Variants in FAM171A1 observed in about 807,000 individuals in gnomAD.
FAM171A1 encodes the protein family with sequence similarity 171 member A1.
Under a neutral mutation model 74.9 loss-of-function variants are expected in FAM171A1, and 23 were observed. The ratio of observed to expected loss-of-function variants is 0.31; its 90% CI spans 0.22 to 0.44. The LOEUF (loss-of-function observed/expected upper bound fraction) is 0.44, where lower values mean the gene tolerates loss of function less well. FAM171A1 is among the 20% of genes least tolerant of loss of function. The probability of loss-of-function intolerance (pLI) is 1.00; values close to 1 mark genes in which losing one functional copy is unlikely to be tolerated. For synonymous variants in FAM171A1, 527 were observed against 505.7 expected (o/e 1.04, Z -0.57); for missense variants, 1,162 against 1,159.2 (o/e 1.00, Z -0.03).
At chr10:15,345,416 C>T (rs189915005) in intron 1 of FAM171A1, among the ~76,000 whole-genome samples, 242 of 152,046 alleles carry the variant, frequency 1.6e-3, no homozygotes, top group African/African-American at 5.5e-3. Flanking sequence ...GATGGCAGAA[C>T]GAGAGGGGAT....
intron 1 of FAM171A1, among the ~76,000 whole-genome samples, chr10:15,300,369 A>C (rs935961404): frequency 2.0e-5 from 3 of 152,132 alleles, no homozygotes; most frequent in African/African-American, 7.2e-5. Context: ...GGCCAAGTTC[A>C]CAGCCTCCTT....
intron 1 of FAM171A1, among the ~76,000 whole-genome samples, chr10:15,310,724 TG>T (rs1564273524): frequency 6.6e-6 from 1 of 151,758 alleles, no homozygotes. Flanking sequence ...TAGCCAGGCG[TG>T]GTGGCGCGTG....
chr10:15,366,037 T>C (rs889506581), intron 1 of FAM171A1, among the ~76,000 whole-genome samples: 1 of 152,234 alleles, frequency 6.6e-6, no homozygotes, highest in African/African-American at 2.4e-5. Context: ...ATTCAGGGTA[T>C]GCTATTGGGT....
chr10:15,367,842 G>A (rs914501183), intron 1 of FAM171A1, among the ~76,000 whole-genome samples: 2 of 152,186 alleles, frequency 1.3e-5, no homozygotes, highest in African/African-American at 4.8e-5. Context: ...CATCCAATAA[G>A]ATGTCTGAGC....
rs139725696 is a variant in FAM171A1, at chr10:15,316,034, A to C, written c.98-31929T>G. Among the ~76,000 whole-genome samples the C allele has an allele frequency of 2.6e-4, 39 of 152,230 alleles. 1 individual carries two copies. The highest frequency in any genetic ancestry group is 8.9e-4 in the African/African-American group (37 of 41,528). On this transcript the variant is annotated intron_variant, in intron 1 of 7. Transcript: ENST00000378116. ...AGCAGGAAGGTTATGTTACATGTAC[A>C]TTTTTACAGTTTTAACTTCACTTTA...
At chr10:15,315,824 T>C (rs575869845) in intron 1 of FAM171A1, among the ~76,000 whole-genome samples, 2 of 152,276 alleles carry the variant, frequency 1.3e-5, no homozygotes, top group East Asian at 1.9e-4. Context: ...GTTTGATTTT[T>C]ACCTCTTTCC....
chr10:15,346,943 G>A, intron 1 of FAM171A1, among the ~76,000 whole-genome samples: 1 of 152,228 alleles, frequency 6.6e-6, no homozygotes, highest in East Asian at 1.9e-4. Context: ...GACACAGAGG[G>A]AGGGGTAGCT....
At chr10:15,305,563 G>T (rs1190821963) in intron 1 of FAM171A1, among the ~76,000 whole-genome samples, 2 of 147,290 alleles carry the variant, frequency 1.4e-5, no homozygotes, top group African/African-American at 5.0e-5. Flanking sequence ...GTTACTCAGG[G>T]GGCTTAGGTG....
chr10:15,290,277 C>T (rs1231311036), intron 1 of FAM171A1, among the ~76,000 whole-genome samples: 1 of 152,134 alleles, frequency 6.6e-6, no homozygotes, highest in East Asian at 1.9e-4. Context: ...CTGTCCTGCA[C>T]CAGCCACCCC....
At chr10:15,360,521 A>T (rs1835981097) in intron 1 of FAM171A1, among the ~76,000 whole-genome samples, 1 of 152,166 alleles carries the variant, frequency 6.6e-6, no homozygotes, top group African/African-American at 2.4e-5. Context: ...CCTCCTTCTG[A>T]TTAGTTCAGT....
intron 6 of FAM171A1, 57 bp from the exon 7 acceptor site, chr10:15,216,167 A>G (rs1301607832): frequency 3.6e-6 from 4 of 1,118,274 alleles, no homozygotes; most frequent in Non-Finnish European, 5.2e-6. Flanking sequence ...CAAAAGAGGG[A>G]TCATTCATTG....
At chr10:15,246,025 C>A (rs180957562) in intron 5 of FAM171A1, among the ~76,000 whole-genome samples, 48 of 152,310 alleles carry the variant, frequency 3.2e-4, no homozygotes, top group Non-Finnish European at 2.9e-5. Context: ...ATCCCTCAGG[C>A]TACTCCCTCC....
intron 1 of FAM171A1, among the ~76,000 whole-genome samples, chr10:15,324,454 T>C (rs59284078): frequency 0.12 from 17,998 of 152,238 alleles, 1,253 homozygotes; most frequent in African/African-American, 0.18. Flanking sequence ...CCATAACGTA[T>C]CGTGAATATT....
intron 5 of FAM171A1, among the ~76,000 whole-genome samples, chr10:15,242,508 C>T (rs910365357): frequency 3.3e-5 from 5 of 152,184 alleles, no homozygotes; most frequent in African/African-American, 7.2e-5. Context: ...CCATTTCGGC[C>T]GGGCGCGTTG....
intron 1 of FAM171A1, among the ~76,000 whole-genome samples, chr10:15,345,402 C>A (rs1479538711): frequency 1.3e-5 from 2 of 152,118 alleles, no homozygotes; most frequent in African/African-American, 4.8e-5. Context: ...GCACACAGAC[C>A]TGGGATGGCA....
chr10:15,286,877 G>A (rs1317227679), intron 1 of FAM171A1, among the ~76,000 whole-genome samples: 1 of 152,108 alleles, frequency 6.6e-6, no homozygotes, highest in African/African-American at 2.4e-5. Context: ...CTATGGGTGT[G>A]TACCAAATAA....
intron 4 of FAM171A1, among the ~76,000 whole-genome samples, chr10:15,251,035 C>A (rs1834500725): frequency 1.3e-5 from 2 of 152,158 alleles, no homozygotes; most frequent in Non-Finnish European, 2.9e-5. Flanking sequence ...ACCAGATCTG[C>A]CACTCACTGC....
chr10:15,261,514 C>T (rs562462048), intron 3 of FAM171A1, among the ~76,000 whole-genome samples: 5 of 152,050 alleles, frequency 3.3e-5, no homozygotes, highest in Admixed American at 6.6e-5. Flanking sequence ...AGAAAAGGGT[C>T]GAGAAGGCAG....
At chr10:15,294,240 C>T (rs1835135172) in intron 1 of FAM171A1, among the ~76,000 whole-genome samples, 2 of 152,170 alleles carry the variant, frequency 1.3e-5, no homozygotes, top group Admixed American at 6.5e-5. Context: ...TGCTCGGGTT[C>T]TGTGCTATCC....
Sources: gnomAD v4.1 joint callset for allele counts (sites outside exome capture counted in the v4.1 genomes callset) on GRCh38, gnomAD v4.1.1 for gene constraint, MANE v1.5 for transcripts, NCBI Gene and HGNC (gene_info 2026-07-23, HGNC 2026-07-21) for gene names.